Variants in GMDS observed in about 807,000 individuals in gnomAD.
The protein encoded by GMDS is GDP-mannose 4,6 dehydratase.
Under a neutral mutation model 49.9 loss-of-function variants are expected in GMDS, and 20 were observed. That is an observed-to-expected ratio of 0.40 (90% CI 0.28 to 0.58). The LOEUF is 0.58. Among genes scored for constraint, GMDS ranks in the 20% least tolerant of loss-of-function variants. The probability of loss-of-function intolerance (pLI) is 0.42; values close to 1 mark genes in which losing one functional copy is unlikely to be tolerated. For synonymous variants in GMDS, 177 were observed against 178.6 expected (o/e 0.99, Z 0.07); for missense variants, 362 against 481.4 (o/e 0.75, Z 2.32).
chr6:1,652,539 T>TTTATATATAATATATTATATATA lies in GMDS; in HGVS notation c.988-28022_988-28000dup, dbSNP rs1554104200. ...ATATATTTATATATAATATATATTATTTATATATAATATATTATATATATT... is the reference window on the plus strand; with the variant it reads ...ATATATTTATATATAATATATATTATTTATATATAATATATTATATATATTATATATAATATATTATATATATT... On this transcript the variant is annotated intron_variant, in intron 9 of 10. Coordinates refer to ENST00000380815, the MANE Select transcript of GMDS (RefSeq NM_001500.4). Among the ~76,000 whole-genome samples, 16 of 12,870 alleles carry TTTATATATAATATATTATATATA rather than the reference T, an allele frequency of 1.2e-3. 3 individuals carry two copies. The highest frequency in any genetic ancestry group is 2.2e-3 in the South Asian group (1 of 456). 8.4% of individuals were successfully genotyped at this position (12,870 alleles called of 152,430 possible).
At chr6:1,789,532 CTT>C (rs59996305) in intron 7 of GMDS, among the ~76,000 whole-genome samples, 14 of 141,326 alleles carry the variant, frequency 9.9e-5, no homozygotes, top group African/African-American at 1.8e-4. Context: ...TTTCTTTTTT[CTT>C]TTTTTTTTTT....
chr6:2,224,977 G>T (rs1780752804), intron 1 of GMDS, among the ~76,000 whole-genome samples: 1 of 152,044 alleles, frequency 6.6e-6, no homozygotes. Flanking sequence ...GCAGAGAGGA[G>T]ATTTGAACGC....
chr6:2,145,395 G>A (rs1047122098), intron 1 of GMDS, among the ~76,000 whole-genome samples: 3 of 151,882 alleles, frequency 2.0e-5, no homozygotes, highest in Non-Finnish European at 4.4e-5. Context: ...AAAATTAGCC[G>A]GGCGTGGTGG....
intron 1 of GMDS, among the ~76,000 whole-genome samples, chr6:2,177,423 T>C (rs1474838063): frequency 6.6e-6 from 1 of 152,052 alleles, no homozygotes. Flanking sequence ...ATATCCCTGA[T>C]AAACAGACAT....
At chr6:1,952,136 A>G (rs1763371018) in intron 6 of GMDS, 1 of 267,168 alleles carries the variant, frequency 3.7e-6, no homozygotes, top group African/African-American at 2.3e-5. Flanking sequence ...ATTGCTGAAA[A>G]AAGGGAGATG....
chr6:2,240,432 C>T (rs1356702297), intron 1 of GMDS, among the ~76,000 whole-genome samples: 1 of 152,004 alleles, frequency 6.6e-6, no homozygotes, highest in Non-Finnish European at 1.5e-5. Flanking sequence ...AAGTGACTTA[C>T]CCAAAGCCAG....
intron 7 of GMDS, among the ~76,000 whole-genome samples, chr6:1,765,041 C>A (rs1018207757): frequency 6.6e-6 from 1 of 151,772 alleles, no homozygotes; most frequent in African/African-American, 2.4e-5. Context: ...ACATTTTTTT[C>A]CCCCCAGTGT....
chr6:1,709,133 C>T (rs55905614), intron 9 of GMDS, among the ~76,000 whole-genome samples: 24,687 of 152,182 alleles, frequency 0.16, 2,236 homozygotes, highest in Middle Eastern at 0.27. Flanking sequence ...TAGATTCAGA[C>T]CATTAAGTAG....
At chr6:2,225,695 A>C (rs548635336) in intron 1 of GMDS, among the ~76,000 whole-genome samples, 164 of 152,356 alleles carry the variant, frequency 1.1e-3, no homozygotes, top group African/African-American at 3.5e-3. Flanking sequence ...CCAGTAAGCT[A>C]GGGATCAGAA....
At chr6:2,243,373 T>C (rs768901763) in intron 1 of GMDS, among the ~76,000 whole-genome samples, 2 of 152,200 alleles carry the variant, frequency 1.3e-5, no homozygotes, top group Non-Finnish European at 2.9e-5. Context: ...CACTGATTCA[T>C]ACTGCTGGTC....
chr6:1,835,195 A>G (rs1295354330), intron 7 of GMDS, among the ~76,000 whole-genome samples: 1 of 152,180 alleles, frequency 6.6e-6, no homozygotes, highest in Non-Finnish European at 1.5e-5. Context: ...CCTTGAGGAC[A>G]TGACATTGAA....
intron 7 of GMDS, among the ~76,000 whole-genome samples, chr6:1,798,352 A>G (rs1769819458): frequency 6.6e-6 from 1 of 152,050 alleles, no homozygotes; most frequent in Non-Finnish European, 1.5e-5. Flanking sequence ...CTGTGGTATG[A>G]TTTTCATATA....
intron 1 of GMDS, among the ~76,000 whole-genome samples, chr6:2,239,486 A>T (rs1207390667): frequency 6.6e-6 from 1 of 152,234 alleles, no homozygotes; most frequent in Non-Finnish European, 1.5e-5. Context: ...AGCAGCCCTT[A>T]GATCCCTAAG....
intron 7 of GMDS, among the ~76,000 whole-genome samples, chr6:1,829,548 C>T (rs987285705): frequency 6.6e-6 from 1 of 152,184 alleles, no homozygotes; most frequent in African/African-American, 2.4e-5. Flanking sequence ...AGGTGATGCT[C>T]CTGCCTCAGC....
At chr6:2,075,876 G>A (rs1476399511) in intron 4 of GMDS, among the ~76,000 whole-genome samples, 1 of 152,194 alleles carries the variant, frequency 6.6e-6, no homozygotes, top group Middle Eastern at 3.2e-3. Flanking sequence ...CCCACCAACA[G>A]TGTAAAAGTG....
At position 1,701,099 on chromosome 6, in the gene GMDS, G is replaced by A. The variant is rs569865197; in HGVS notation, c.987+25317C>T. 1.6e-3 allele frequency among the ~76,000 whole-genome samples: 246 copies of A among 152,226 alleles called. 2 individuals are homozygous for A. The highest frequency in any genetic ancestry group is 2.1e-3 in the Non-Finnish European group (145 of 68,010). ...GATACCCGCCTCCCATATTTACAGC[G>A]CATGCCTTTGCTAAACCCATTTGCC... On this transcript the variant is annotated intron_variant, in intron 9 of 10. Transcript: ENST00000380815.
chr6:1,744,103 T>C (rs967243200), intron 7 of GMDS, among the ~76,000 whole-genome samples: 2 of 152,256 alleles, frequency 1.3e-5, no homozygotes, highest in African/African-American at 4.8e-5. Flanking sequence ...ATTTCCTTTT[T>C]ATTCATTGGA....
intron 7 of GMDS, among the ~76,000 whole-genome samples, chr6:1,866,221 A>G (rs1758435026): frequency 6.6e-6 from 1 of 152,220 alleles, no homozygotes; most frequent in African/African-American, 2.4e-5. Context: ...TAGTAATTAA[A>G]GATTAATGCT....
intron 7 of GMDS, among the ~76,000 whole-genome samples, chr6:1,843,280 T>C (rs918936706): frequency 1.3e-5 from 2 of 152,102 alleles, no homozygotes; most frequent in Non-Finnish European, 2.9e-5. Context: ...AGATTGGCAG[T>C]AGGTGCTGGT....
Sources: gnomAD v4.1 joint callset for allele counts (sites outside exome capture counted in the v4.1 genomes callset) on GRCh38, gnomAD v4.1.1 for gene constraint, MANE v1.5 for transcripts, NCBI Gene and HGNC (gene_info 2026-07-23, HGNC 2026-07-21) for gene names.